Variants in ULK4 observed in about 807,000 individuals in gnomAD.
The protein encoded by ULK4 is unc-51 like kinase 4.
ULK4 carries 133 observed loss-of-function variants against 160.6 expected under a neutral mutation model. The observed-to-expected ratio is 0.83, with a 90% CI of 0.72 to 0.96. ULK4 has a LOEUF of 0.96. ULK4 is among the 40% of genes least tolerant of loss of function. The pLI, the probability that ULK4 is intolerant of heterozygous loss-of-function variation, is 0.00. For missense variants in ULK4, 1,580 were observed against 1,499.5 expected (o/e 1.05, Z -0.89); for synonymous variants, 534 against 539.8 (o/e 0.99, Z 0.15).
rs549819868 is a variant in ULK4 at position 41,484,613 on chromosome 3, C to T, written c.3227-21360G>A. ...GACTACAGGCGCCCGCCACCACACCCGGCTAATTTTTTGTATTTTTAGTAG... is the reference window on the plus strand; with the variant it reads ...GACTACAGGCGCCCGCCACCACACCTGGCTAATTTTTTGTATTTTTAGTAG... On this transcript the variant is annotated intron_variant, in intron 32 of 36. Coordinates refer to ENST00000301831, the MANE Select transcript of ULK4 (RefSeq NM_017886.4). Among the ~76,000 whole-genome samples the T allele has an allele frequency of 7.7e-4, 117 of 152,012 alleles. 3 individuals are homozygous for T. In the South Asian group the frequency reaches 0.02, roughly 26 times the overall value.
intron 32 of ULK4, among the ~76,000 whole-genome samples, chr3:41,494,288 T>C (rs2084905902): frequency 9.2e-6 from 1 of 108,686 alleles, no homozygotes; most frequent in African/African-American, 3.3e-5. Context: ...CACAAATCAA[T>C]CAATGTAATC....
chr3:41,506,767 A>AAAAAAAAAAAAAAAAAATATATAT lies in ULK4; in HGVS notation c.3227-43515_3227-43514insATATATATTTTTTTTTTTTTTTTT. Among the ~76,000 whole-genome samples the AAAAAAAAAAAAAAAAAATATATAT allele has an allele frequency of 2.8e-4, 16 of 56,794 alleles. 2 individuals are homozygous for AAAAAAAAAAAAAAAAAATATATAT. The highest frequency in any genetic ancestry group is 6.5e-4 in the South Asian group (1 of 1,536). 37.3% of individuals were successfully genotyped at this position (56,794 alleles called of 152,430 possible). A position where few individuals can be genotyped will look rare whatever the true frequency, so the allele number is the denominator to read the frequency against. ...AGCAATACACTGGAGTGTGATTTAA[A>AAAAAAAAAAAAAAAAAATATATAT]ATATATATATATATATATATATATA... On this transcript the variant is annotated intron_variant, in intron 32 of 36. Coordinates refer to ENST00000301831, the MANE Select transcript of ULK4 (RefSeq NM_017886.4).
At position 41,679,498 on chromosome 3, in the gene ULK4, A is replaced by C. The variant is rs185071657; in HGVS notation, c.2978+2010T>G. 6.0e-3 allele frequency among the ~76,000 whole-genome samples: 919 copies of C among 152,348 alleles called. 6 individuals are homozygous for C. The highest frequency in any genetic ancestry group is 9.4e-3 in the Non-Finnish European group (640 of 68,026). On this transcript the variant is annotated intron_variant, in intron 29 of 36. Transcript: ENST00000301831. ...ATCTGAAGTGCATTTCAAGTTGTGT[A>C]ATACAAGCTTGAACTCATCTACATT... is the stretch of plus-strand genomic sequence containing the variant.
chr3:41,497,603 C>T (rs2085040446), intron 32 of ULK4, among the ~76,000 whole-genome samples: 1 of 152,070 alleles, frequency 6.6e-6, no homozygotes, highest in Admixed American at 6.6e-5. Context: ...AGTTAAAAGT[C>T]AATTTTCTGA....
intron 25 of ULK4, among the ~76,000 whole-genome samples, chr3:41,708,520 G>A (rs1414449610): frequency 6.6e-6 from 1 of 152,130 alleles, no homozygotes; most frequent in African/African-American, 2.4e-5. Flanking sequence ...AGGGACTGGG[G>A]GTAGGGGAAA....
chr3:41,418,347 G>C lies in ULK4; in HGVS notation c.3493-20083C>G, dbSNP rs112879717. 5.4e-3 allele frequency among the ~76,000 whole-genome samples: 786 copies of C among 145,854 alleles called. 15 individuals carry two copies. Among genetic ancestry groups the C allele is most frequent in the Non-Finnish European group, 9.5e-3 (632 of 66,598 alleles). The stretch of plus-strand genomic sequence containing the variant: ...TACTTTTTTTCTTAATTTGGCGGGG[G>C]GGGGGGCACGTTTCTAAGCTACACA... On this transcript the variant is annotated intron_variant, in intron 34 of 36. Transcript: ENST00000301831.
chr3:41,449,494 G>A (rs1475458107), intron 34 of ULK4, among the ~76,000 whole-genome samples: 1 of 152,146 alleles, frequency 6.6e-6, no homozygotes. Flanking sequence ...GAGCTGCTTA[G>A]TATAGAACTA....
chr3:41,454,594 G>T (rs566798014), intron 34 of ULK4, among the ~76,000 whole-genome samples: 1 of 151,432 alleles, frequency 6.6e-6, no homozygotes, highest in South Asian at 2.1e-4. Context: ...AGAATTAATT[G>T]GCAAAAATAT....
intron 32 of ULK4, among the ~76,000 whole-genome samples, chr3:41,525,667 G>A (rs1289397465): frequency 6.6e-6 from 1 of 152,156 alleles, no homozygotes; most frequent in African/African-American, 2.4e-5. Context: ...GTCCTTGATG[G>A]CTAATACTCT....
chr3:41,555,721 A>G (rs2087268136), intron 32 of ULK4, among the ~76,000 whole-genome samples: 1 of 152,348 alleles, frequency 6.6e-6, no homozygotes, highest in Non-Finnish European at 1.5e-5. Context: ...CATGCACACT[A>G]TGTTTACTGC....
At chr3:41,438,108 T>TTAAA (rs1553666501) in intron 34 of ULK4, among the ~76,000 whole-genome samples, 1 of 122,926 alleles carries the variant, frequency 8.1e-6, no homozygotes, top group East Asian at 2.2e-4. Context: ...TGTTTATTGT[T>TTAAA]AAAAAAAAAA....
At chr3:41,612,605 T>C (rs1161220745) in intron 31 of ULK4, among the ~76,000 whole-genome samples, 1 of 152,246 alleles carries the variant, frequency 6.6e-6, no homozygotes, top group Admixed American at 6.5e-5. Flanking sequence ...TTCAATTGGT[T>C]TTTTATTTAA....
chr3:41,763,254 C>T (rs888455591), intron 21 of ULK4, among the ~76,000 whole-genome samples: 1 of 151,878 alleles, frequency 6.6e-6, no homozygotes, highest in African/African-American at 2.4e-5. Flanking sequence ...ATTAAATCTC[C>T]AACATAAAAA....
At chr3:41,378,549 A>ACATGTTCT (rs2081567512) in intron 35 of ULK4, among the ~76,000 whole-genome samples, 1 of 151,536 alleles carries the variant, frequency 6.6e-6, no homozygotes, top group Non-Finnish European at 1.5e-5. Flanking sequence ...ACCAAGCACC[A>ACATGTTCT]CATGTTCTCA....
At chr3:41,718,631 C>T (rs2037349711) in intron 22 of ULK4, among the ~76,000 whole-genome samples, 1 of 152,106 alleles carries the variant, frequency 6.6e-6, no homozygotes, top group African/African-American at 2.4e-5. Flanking sequence ...CTGATTTCAC[C>T]ATGCAAAAGG....
intron 15 of ULK4, among the ~76,000 whole-genome samples, chr3:41,896,379 C>T (rs1698157616): frequency 6.6e-6 from 1 of 152,130 alleles, no homozygotes; most frequent in Non-Finnish European, 1.5e-5. Context: ...CTCAGCCTCC[C>T]AAGTAGCTGG....
Position 41,335,976 on chromosome 3 carries a change from A to T in ULK4, c.3678+62103T>A, listed in dbSNP as rs543300090. On this transcript the variant is annotated intron_variant, in intron 35 of 36. Coordinates refer to ENST00000301831, the MANE Select transcript of ULK4 (RefSeq NM_017886.4). Reference sequence around the variant, plus strand: ...TGTGCCACAGCCACAAGCCTGTCCTAGAACAAGGCTTTCTGAAAAATACAG... The same window carrying T: ...TGTGCCACAGCCACAAGCCTGTCCTTGAACAAGGCTTTCTGAAAAATACAG... 4.6e-5 allele frequency among the ~76,000 whole-genome samples: 7 copies of T among 152,358 alleles called. No homozygotes were observed. The South Asian group carries it at 1.2e-3, about 27-fold the overall frequency.
intron 31 of ULK4, among the ~76,000 whole-genome samples, chr3:41,614,273 T>C (rs2032847261): frequency 6.6e-6 from 1 of 152,198 alleles, no homozygotes; most frequent in Non-Finnish European, 1.5e-5. Context: ...CTAGGATGTC[T>C]ATAAAATGAG....
At chr3:41,267,775 T>TA (rs1472418230) in intron 35 of ULK4, among the ~76,000 whole-genome samples, 1 of 152,148 alleles carries the variant, frequency 6.6e-6, no homozygotes, top group Non-Finnish European at 1.5e-5. Context: ...GCTACTCTCG[T>TA]TTACAGATGA....
Sources: allele counts gnomAD v4.1 joint callset (sites outside exome capture counted in the v4.1 genomes callset), GRCh38; gene constraint gnomAD v4.1.1; transcripts MANE v1.5; gene names NCBI Gene and HGNC (gene_info 2026-07-23, HGNC 2026-07-21).